The following IL1RAPL1 variants were observed in gnomAD, a reference collection of about 807,000 sequenced individuals.
The protein encoded by IL1RAPL1 is interleukin 1 receptor accessory protein like 1.
In IL1RAPL1, 3 loss-of-function variants were observed where a neutral mutation model predicts 48.4. That is an observed-to-expected ratio of 0.06 (90% confidence interval 0.03 to 0.16). The LOEUF (loss-of-function observed/expected upper bound fraction) is 0.16. IL1RAPL1 is among the 10% of genes least tolerant of loss of function. IL1RAPL1 has a pLI of 1.00. For synonymous variants in IL1RAPL1, 185 were observed against 187.7 expected (o/e 0.99, Z 0.12); for missense variants, 349 against 530.6 (o/e 0.66, Z 3.36).
intron 2 of IL1RAPL1, among the ~76,000 whole-genome samples, chrX:28,990,504 C>T: frequency 8.9e-6 from 1 of 111,806 alleles, no homozygotes; most frequent in Non-Finnish European, 1.9e-5. Flanking sequence ...CGATTCTTTT[C>T]AGTTTGTTAT....
chrX:29,931,001 A>G (rs374437613), intron 8 of IL1RAPL1, among the ~76,000 whole-genome samples: 1 of 111,615 alleles, frequency 9.0e-6, no homozygotes, highest in South Asian at 3.8e-4. Context: ...CTTCATGTAT[A>G]CCAGTACAGA....
intron 6 of IL1RAPL1, among the ~76,000 whole-genome samples, chrX:29,914,791 G>A (rs940122834): frequency 4.4e-5 from 5 of 112,361 alleles, no homozygotes; most frequent in South Asian, 3.7e-4. Context: ...GACACTTGCC[G>A]TAGAAATCTG....
chrX:28,767,258 T>G (rs1936251899), intron 1 of IL1RAPL1, among the ~76,000 whole-genome samples: 1 of 111,511 alleles, frequency 9.0e-6, no homozygotes, highest in Non-Finnish European at 1.9e-5. Flanking sequence ...GATACCTCAT[T>G]GTAGTTTTGA....
chrX:29,340,372 C>T (rs1210326422), intron 3 of IL1RAPL1, among the ~76,000 whole-genome samples: 2 of 111,247 alleles, frequency 1.8e-5, no homozygotes, highest in Non-Finnish European at 3.8e-5. Context: ...TTGGCAATTA[C>T]CAATCTACAT....
intron 5 of IL1RAPL1, among the ~76,000 whole-genome samples, chrX:29,474,644 A>G (rs1449315484): frequency 1.8e-5 from 2 of 111,931 alleles, no homozygotes; most frequent in African/African-American, 3.2e-5. Context: ...CAGAGAGGGA[A>G]TAAGAGAGAA....
At chrX:29,347,046 T>C (rs1316447398) in intron 3 of IL1RAPL1, among the ~76,000 whole-genome samples, 1 of 111,322 alleles carries the variant, frequency 9.0e-6, no homozygotes, top group Non-Finnish European at 1.9e-5. Context: ...GTGAATTCTT[T>C]TGGGTTTGCA....
chrX:29,232,528 G>C (rs888181813), intron 2 of IL1RAPL1, among the ~76,000 whole-genome samples: 5 of 112,016 alleles, frequency 4.5e-5, no homozygotes, highest in Non-Finnish European at 7.5e-5. Context: ...GCCTTGGGCA[G>C]ATTAGGGCAT....
intron 1 of IL1RAPL1, among the ~76,000 whole-genome samples, chrX:28,682,838 A>T (rs1236845166): frequency 8.9e-6 from 1 of 112,325 alleles, no homozygotes; most frequent in East Asian, 2.8e-4. Flanking sequence ...GACTCCTGTT[A>T]AAACTGTTAC....
At chrX:29,477,693 G>C (rs1385746175) in intron 5 of IL1RAPL1, among the ~76,000 whole-genome samples, 1 of 112,052 alleles carries the variant, frequency 8.9e-6, no homozygotes, top group East Asian at 2.8e-4. Context: ...TTGAGATACT[G>C]AGTAGTTATG....
At chrX:28,986,537 A>G (rs1486240906) in intron 2 of IL1RAPL1, among the ~76,000 whole-genome samples, 1 of 112,073 alleles carries the variant, frequency 8.9e-6, no homozygotes, top group African/African-American at 3.2e-5. Context: ...TCTTTATAAA[A>G]ATATATTTAT....
At chrX:29,748,611 G>T (rs759815972) in intron 6 of IL1RAPL1, among the ~76,000 whole-genome samples, 25 of 113,113 alleles carry the variant, frequency 2.2e-4, no homozygotes, top group Non-Finnish European at 3.4e-4. Flanking sequence ...CTAGTTGGCA[G>T]TGGAGCTAAC....
intron 5 of IL1RAPL1, among the ~76,000 whole-genome samples, chrX:29,620,873 T>C (rs1298427308): frequency 8.9e-6 from 1 of 112,773 alleles, no homozygotes; most frequent in Admixed American, 9.4e-5. Flanking sequence ...TTAAATACTT[T>C]AATATGGCTT....
chrX:29,251,066 T>G (rs1172077991), intron 2 of IL1RAPL1, among the ~76,000 whole-genome samples: 1 of 114,170 alleles, frequency 8.8e-6, no homozygotes, highest in Non-Finnish European at 1.9e-5. Flanking sequence ...TAAGCTGAGA[T>G]GGGAAGGAGA....
At chrX:29,667,871 G>A (rs1356704262) in intron 5 of IL1RAPL1, among the ~76,000 whole-genome samples, 1 of 111,824 alleles carries the variant, frequency 8.9e-6, no homozygotes, top group Non-Finnish European at 1.9e-5. Context: ...CTTGGTGTGG[G>A]TGTGCATGCT....
intron 3 of IL1RAPL1, among the ~76,000 whole-genome samples, chrX:29,359,976 C>T (rs953125975): frequency 1.1e-4 from 12 of 111,182 alleles, no homozygotes; most frequent in African/African-American, 3.9e-4. Context: ...ATATTCAAAC[C>T]CAGATCTGTG....
chrX:28,929,751 C>CA (rs1923833100), intron 2 of IL1RAPL1, among the ~76,000 whole-genome samples: 1 of 112,219 alleles, frequency 8.9e-6, no homozygotes, highest in African/African-American at 3.2e-5. Flanking sequence ...CATGTTAAAT[C>CA]ATTTTTATGG....
At chrX:29,088,216 A>G (rs1227979740) in intron 2 of IL1RAPL1, among the ~76,000 whole-genome samples, 1 of 112,168 alleles carries the variant, frequency 8.9e-6, no homozygotes, top group African/African-American at 3.2e-5. Context: ...TATCAAAGAA[A>G]ATCAAGCAAC....
chrX:28,831,705 T>A (rs12008090), intron 2 of IL1RAPL1, among the ~76,000 whole-genome samples: 14,505 of 111,199 alleles, frequency 0.13, 1,683 homozygotes, highest in African/African-American at 0.36. Flanking sequence ...CTAGATTTTG[T>A]TTAATTTTCA....
chrX:28,774,750 A>G (rs186040417), intron 1 of IL1RAPL1, among the ~76,000 whole-genome samples: 32 of 111,713 alleles, frequency 2.9e-4, no homozygotes, highest in Admixed American at 2.1e-3. Context: ...ACAAGAGGCA[A>G]GGGTCATATA....
Sources: gnomAD v4.1 joint callset for allele counts (sites outside exome capture counted in the v4.1 genomes callset) on GRCh38, gnomAD v4.1.1 for gene constraint, MANE v1.5 for transcripts, NCBI Gene and HGNC (gene_info 2026-07-23, HGNC 2026-07-21) for gene names.